TUSC3: variants seen among roughly 807,000 people sequenced by gnomAD.
The protein encoded by TUSC3 is tumor suppressor candidate 3.
A neutral mutation model predicts 44.8 loss-of-function variants in TUSC3; 45 were observed. The observed-to-expected ratio is 1.00, with a 90% CI of 0.79 to 1.29. The LOEUF (loss-of-function observed/expected upper bound fraction) is 1.29, where lower values mean the gene tolerates loss of function less well. TUSC3 is among the 50% of genes most tolerant of loss of function. TUSC3 has a pLI of 0.00. For missense variants in TUSC3, 519 were observed against 437.9 expected (o/e 1.19, Z -1.65); for synonymous variants, 212 against 152.9 (o/e 1.39, Z -2.85).
chr8:15,638,331 T>A (rs1282882528), intron 2 of TUSC3, among the ~76,000 whole-genome samples: 1 of 152,108 alleles, frequency 6.6e-6, no homozygotes, highest in Non-Finnish European at 1.5e-5. Context: ...GTTACTGTAC[T>A]GGCATTAGTA....
intron 1 of TUSC3, among the ~76,000 whole-genome samples, chr8:15,419,358 G>A (rs1404870283): frequency 6.6e-6 from 1 of 152,210 alleles, no homozygotes; most frequent in Non-Finnish European, 1.5e-5. Flanking sequence ...TGCAATCAAT[G>A]TCTAGAAAGA....
downstream of TUSC3, among the ~76,000 whole-genome samples, chr8:15,769,671 A>G (rs540419750): frequency 2.6e-5 from 4 of 152,328 alleles, no homozygotes; most frequent in East Asian, 1.9e-4. Flanking sequence ...AATTTGTGCA[A>G]TCTATCCATC....
intron 2 of TUSC3, among the ~76,000 whole-genome samples, chr8:15,633,211 T>C (rs1035632092): frequency 2.0e-5 from 3 of 152,200 alleles, no homozygotes; most frequent in Non-Finnish European, 4.4e-5. Context: ...TCCATACTTT[T>C]ATCTCTTTGG....
chr8:15,656,464 T>C (rs1340384775), intron 3 of TUSC3, among the ~76,000 whole-genome samples: 3 of 152,156 alleles, frequency 2.0e-5, no homozygotes, highest in Admixed American at 2.0e-4. Context: ...TGGCTCCAAG[T>C]AAGTCCAAAA....
At chr8:15,789,818 G>C in the TUSC3 span, among the ~76,000 whole-genome samples, 37 of 152,200 alleles carry the variant, frequency 2.4e-4, no homozygotes, top group African/African-American at 8.4e-4. Context: ...AAGAAAAGCA[G>C]ATGACAATGA....
At chr8:15,688,664 G>A (rs1379797234) in intron 6 of TUSC3, among the ~76,000 whole-genome samples, 3 of 152,054 alleles carry the variant, frequency 2.0e-5, no homozygotes, top group East Asian at 1.9e-4. Context: ...TCAGAATAAC[G>A]CACAAAAGCA....
At chr8:15,519,229 T>C (rs1190983522) in intron 2 of TUSC3, among the ~76,000 whole-genome samples, 1 of 152,206 alleles carries the variant, frequency 6.6e-6, no homozygotes, top group East Asian at 1.9e-4. Flanking sequence ...TTCAGGATAG[T>C]TTAAAAATTT....
At chr8:15,655,936 G>A (rs1209140294) in intron 3 of TUSC3, among the ~76,000 whole-genome samples, 2 of 152,134 alleles carry the variant, frequency 1.3e-5, no homozygotes, top group Admixed American at 6.5e-5. Context: ...AAGGAATGAA[G>A]AGAAAGGAAA....
intron 2 of TUSC3, among the ~76,000 whole-genome samples, chr8:15,504,687 T>C (rs1241349573): frequency 1.2e-4 from 17 of 140,816 alleles, no homozygotes; most frequent in African/African-American, 3.9e-4. Context: ...GGAGTCTCGC[T>C]GTGTCCCCAG....
intron 1 of TUSC3, among the ~76,000 whole-genome samples, chr8:15,596,757 T>C (rs1804087868): frequency 6.6e-6 from 1 of 152,116 alleles, no homozygotes; most frequent in Non-Finnish European, 1.5e-5. Context: ...GCTGAACTGA[T>C]TGGATATAAT....
the TUSC3 span, among the ~76,000 whole-genome samples, chr8:15,831,623 G>C: frequency 6.6e-6 from 1 of 152,134 alleles, no homozygotes; most frequent in Non-Finnish European, 1.5e-5. Context: ...ACCTGATAGA[G>C]CTGAAAAACA....
downstream of TUSC3, among the ~76,000 whole-genome samples, chr8:15,771,071 C>T (rs1183343169): frequency 6.6e-6 from 1 of 152,114 alleles, no homozygotes; most frequent in Non-Finnish European, 1.5e-5. Flanking sequence ...TAGCCAGTTG[C>T]TCATTAGAGG....
chr8:15,794,490 T>A, the TUSC3 span, among the ~76,000 whole-genome samples: 3 of 152,200 alleles, frequency 2.0e-5, no homozygotes, highest in Admixed American at 1.3e-4. Context: ...GATTCTTTCC[T>A]ACTTGCAATC....
chr8:15,561,287 C>A (rs564492834), intron 1 of TUSC3, among the ~76,000 whole-genome samples: 5 of 148,100 alleles, frequency 3.4e-5, no homozygotes, highest in Non-Finnish European at 7.5e-5. Context: ...TGTGCCCCTG[C>A]TGGGGGGTGC....
the TUSC3 span, among the ~76,000 whole-genome samples, chr8:15,813,335 C>T: frequency 6.6e-6 from 1 of 151,568 alleles, no homozygotes; most frequent in East Asian, 1.9e-4. Flanking sequence ...CAGCTGAGTC[C>T]TCTGTACCAT....
In TUSC3 at chr8:15,481,111, G is replaced by A. The variant is rs900705632; in HGVS notation, n.92-2275G>A. Among the ~76,000 whole-genome samples the A allele has an allele frequency of 4.6e-5, 7 of 152,012 alleles. No homozygotes were observed. The East Asian group carries it at 7.7e-4, about 17-fold the overall frequency. On this transcript the variant is annotated intron_variant and non_coding_transcript_variant, in intron 1 of 5. Coordinates refer to the TUSC3 transcript ENST00000503191. ...AAAAAATACAAAAATATCCCAGTGT[G>A]GTGGTGCATGACTGTAATCCCAGCT...
rs1209501200 is a variant in TUSC3 at position 15,585,158 on chromosome 8, T to C, written c.139-37922T>C. Among the ~76,000 whole-genome samples, 4 of 152,274 alleles carry C rather than the reference T, an allele frequency of 2.6e-5. No individual in the cohort carries two copies. In the East Asian group the frequency reaches 7.7e-4, roughly 29 times the overall value. ...GGGATAGAGTAAAAAATTCATCAGT[T>C]GCCTAACTGGCGTTAGGAATAGAGT... On this transcript the variant is annotated intron_variant, in intron 1 of 10. Transcript: ENST00000503731.
In TUSC3 at chr8:15,659,555, A is replaced by G; in HGVS notation, c.475A>G (p.Arg159Gly). 1 of 1,613,432 alleles carries G rather than the reference A, an allele frequency of 6.2e-7. No homozygotes were observed. The highest frequency in any genetic ancestry group is 8.5e-7 in the Non-Finnish European group (1 of 1,179,696). ...ATTCATGCATTTTCCTCCAAAAGGCAGACCTAAGAGAGCTGATACTTTTGA... is the reference window on the plus strand; with the variant it reads ...ATTCATGCATTTTCCTCCAAAAGGCGGACCTAAGAGAGCTGATACTTTTGA... Reference protein sequence around the residue: ...PTFMHFPPKGRPKRADTFDLQ... With the variant: ...PTFMHFPPKGGPKRADTFDLQ... The change falls in exon 4 of 11, where the codon AGA (arginine) becomes GGA (glycine). Residue 159 changes from arginine to glycine, a missense_variant. Transcript: ENST00000503731.
At chr8:15,435,279 G>T (rs529517363) in intron 1 of TUSC3, among the ~76,000 whole-genome samples, 21 of 152,030 alleles carry the variant, frequency 1.4e-4, no homozygotes, top group African/African-American at 4.8e-4. Flanking sequence ...CATTTCTCTG[G>T]TGGCCAGTGA....
Sources: allele counts gnomAD v4.1 joint callset (sites outside exome capture counted in the v4.1 genomes callset), GRCh38; gene constraint gnomAD v4.1.1; transcripts MANE v1.5; gene names NCBI Gene and HGNC (gene_info 2026-07-23, HGNC 2026-07-21).